Variants in GIGYF2 observed in about 807,000 individuals in gnomAD.
The protein encoded by GIGYF2 is GRB10 interacting GYF protein 2.
In GIGYF2, 25 loss-of-function variants were observed where a neutral mutation model predicts 208.1. That is an observed-to-expected ratio of 0.12 (90% confidence interval 0.09 to 0.17). The LOEUF is 0.17. Ranked by LOEUF, GIGYF2 falls within the 10% of genes least tolerant of loss-of-function variation. The pLI, the probability that GIGYF2 is intolerant of heterozygous loss-of-function variation, is 1.00. For synonymous variants in GIGYF2, 534 were observed against 543.8 expected (o/e 0.98, Z 0.25); for missense variants, 1,302 against 1,579.4 (o/e 0.82, Z 2.98).
chr2:232,768,693 G>A, intron 8 of GIGYF2: 1 of 1,606,150 alleles, frequency 6.2e-7, no homozygotes, highest in East Asian at 2.2e-5. Context: ...GCTAGGTCGG[G>A]TGTTGGCCAC....
In GIGYF2 at chr2:232,811,250, A is replaced by G. The variant is rs140822277; in HGVS notation, c.1905A>G (p.Gln635=). Residue 635 remains glutamine, a synonymous_variant, in exon 17 of 29, where the codon CAA becomes CAG. Coordinates refer to ENST00000373563, the MANE Select transcript of GIGYF2 (RefSeq NM_001103146.3). The part of the protein sequence containing the change: ...LQYQQFLIQQ[Q]YAQVLAQQQK... The stretch of plus-strand genomic sequence containing the variant: ...TTTTTTTTACTTTTTGAAGACAACA[A>G]TATGCACAGGTTTTGGCCCAACAGC... 68 of 1,589,708 alleles carry G rather than the reference A, an allele frequency of 4.3e-5. No individual in the cohort carries two copies. Among genetic ancestry groups the G allele is most frequent in the South Asian group, 3.6e-4 (33 of 90,604 alleles).
Position 232,753,683 on chromosome 2 carries a change from A to G in GIGYF2, c.268-2540A>G, listed in dbSNP as rs1698419821. 2.0e-5 allele frequency among the ~76,000 whole-genome samples: 3 copies of G among 152,236 alleles called. No homozygotes were observed. The South Asian group carries it at 6.2e-4, about 32-fold the overall frequency. On this transcript the variant is annotated intron_variant, in intron 5 of 28. Transcript: ENST00000373563. ...GCTTGCAGTCACCCGTGAGGTAGATAAAAATATCCCTGTCTACATTATATA... is the reference window on the plus strand; with the variant it reads ...GCTTGCAGTCACCCGTGAGGTAGATGAAAATATCCCTGTCTACATTATATA...
chr2:232,768,879 G>A, intron 8 of GIGYF2: 1 of 1,367,916 alleles, frequency 7.3e-7, no homozygotes, highest in Admixed American at 2.1e-5. Flanking sequence ...TTTTCTGAAT[G>A]ACAAGTGTAT....
At chr2:232,788,092 C>T (rs1374790601) in intron 9 of GIGYF2, 1 of 153,942 alleles carries the variant, frequency 6.5e-6, no homozygotes, top group East Asian at 1.9e-4. Context: ...TGTGGAATGC[C>T]CTATGAATTT....
chr2:232,799,758 G>A (rs1301943521), intron 14 of GIGYF2, among the ~76,000 whole-genome samples: 2 of 152,026 alleles, frequency 1.3e-5, no homozygotes, highest in Admixed American at 6.6e-5. Flanking sequence ...CTCAAAAACA[G>A]TCCACAAGGG....
At chr2:232,755,791 G>T (rs909622706) in intron 5 of GIGYF2, among the ~76,000 whole-genome samples, 1 of 152,082 alleles carries the variant, frequency 6.6e-6, no homozygotes, top group Non-Finnish European at 1.5e-5. Context: ...TCCTACTCTC[G>T]CATCAGACCT....
Position 232,845,903 on chromosome 2 carries a change from G to T in GIGYF2, c.3460+17G>T. On this transcript the variant is annotated intron_variant, in intron 26 of 28. Transcript: ENST00000373563. ...ACTTGGATGGTAAGAATTGGGGAGG[G>T]AAACCCGGCATGTGGAATGACAGAG... 6.6e-7 allele frequency: 1 copy of T among 1,526,636 alleles called. No homozygotes were observed. Among genetic ancestry groups the T allele is most frequent in the Non-Finnish European group, 9.1e-7 (1 of 1,101,186 alleles). 94.6% of individuals were successfully genotyped at this position (1,526,636 alleles called of 1,614,324 possible). A position where few individuals can be genotyped will look rare whatever the true frequency, so the allele number is the denominator to read the frequency against.
chr2:232,842,191 A>G (rs963927899), intron 23 of GIGYF2, among the ~76,000 whole-genome samples: 11 of 151,718 alleles, frequency 7.3e-5, no homozygotes, highest in African/African-American at 1.9e-4. Context: ...CAGTCCTTCT[A>G]TTGGGCTTCT....
chr2:232,750,729 CTCTG>C (rs1698305974), intron 5 of GIGYF2, among the ~76,000 whole-genome samples: 2 of 114,666 alleles, frequency 1.7e-5, no homozygotes, highest in African/African-American at 6.6e-5. Context: ...TTTATATGAG[CTCTG>C]TGTGTGTGTG....
At chr2:232,771,838 A>G (rs1305458544) in intron 8 of GIGYF2, among the ~76,000 whole-genome samples, 1 of 152,220 alleles carries the variant, frequency 6.6e-6, no homozygotes, top group Non-Finnish European at 1.5e-5. Flanking sequence ...GTAAATAATT[A>G]GAAGTCATTT....
intron 8 of GIGYF2, among the ~76,000 whole-genome samples, chr2:232,772,030 G>T (rs757983229): frequency 1.1e-4 from 17 of 152,114 alleles, no homozygotes; most frequent in Non-Finnish European, 2.4e-4. Context: ...TGTCTCCTAG[G>T]CTGGAGTGCA....
At position 232,796,075 on chromosome 2, in the gene GIGYF2, T is replaced by C. The variant is rs755009981; in HGVS notation, c.1493T>C (p.Met498Thr). 1 of 1,611,552 alleles carries C rather than the reference T, an allele frequency of 6.2e-7. No homozygotes were observed. Among genetic ancestry groups the C allele is most frequent in the Non-Finnish European group, 8.5e-7 (1 of 1,177,854 alleles). Residue 498 changes from methionine (M) to threonine (T), a missense_variant, in exon 14 of 29, where the codon ATG becomes ACG. Physicochemically the swap from Met to Thr is moderately conservative, Grantham distance 81. Transcript: ENST00000373563. ...LKHLEQQAEK[M>T]VAYLQDSALD... is the part of the protein sequence containing the mutation. ...TTCTGTTACTAGCAAGCTGAGAAAATGGTGGCTTATCTCCAAGACAGTGCA... is the reference window on the plus strand; with the variant it reads ...TTCTGTTACTAGCAAGCTGAGAAAACGGTGGCTTATCTCCAAGACAGTGCA...
At chr2:232,821,959 T>C (rs1304870799) in intron 21 of GIGYF2, among the ~76,000 whole-genome samples, 3 of 150,030 alleles carry the variant, frequency 2.0e-5, no homozygotes, top group Admixed American at 1.3e-4. Context: ...TTTTTTTTAC[T>C]GGACTCTTCC....
At chr2:232,750,563 T>C (rs376670769) in intron 5 of GIGYF2, among the ~76,000 whole-genome samples, 2 of 152,258 alleles carry the variant, frequency 1.3e-5, no homozygotes, top group East Asian at 3.9e-4. Context: ...TTTGGAAAAA[T>C]TTTTTCCCAT....
intron 8 of GIGYF2, among the ~76,000 whole-genome samples, chr2:232,772,346 A>C (rs1393617567): frequency 1.3e-5 from 2 of 152,176 alleles, no homozygotes. Flanking sequence ...TGGGGGGTAG[A>C]AAGAGAATTG....
intron 8 of GIGYF2, chr2:232,768,432 A>G: frequency 6.2e-7 from 1 of 1,614,212 alleles, no homozygotes; most frequent in South Asian, 1.1e-5. Flanking sequence ...CCTTTGGCAT[A>G]TTTCTCCAGT....
chr2:232,738,929 C>T (rs1175173566), intron 3 of GIGYF2, among the ~76,000 whole-genome samples: 2 of 152,110 alleles, frequency 1.3e-5, no homozygotes, highest in South Asian at 2.1e-4. Flanking sequence ...CACTAAGCAC[C>T]GTCTTGATAA....
chr2:232,790,688 C>T lies in GIGYF2; in HGVS notation c.713-10C>T, dbSNP rs762970939. 4 of 1,606,138 alleles carry T rather than the reference C, an allele frequency of 2.5e-6. No homozygotes were observed. The Admixed American group carries it at 5.0e-5, about 20-fold the overall frequency. On this transcript the variant is annotated splice_polypyrimidine_tract_variant and intron_variant, in intron 9 of 28. Coordinates refer to ENST00000373563, the MANE Select transcript of GIGYF2 (RefSeq NM_001103146.3). ...CTTTTCTAAGGTTTGTGTCCTCCTT[C>T]TCATCTCAGATGGCCCTCGTTCTGC...
chr2:232,717,408 A>G (rs1327853238), intron 2 of GIGYF2, among the ~76,000 whole-genome samples: 3 of 152,164 alleles, frequency 2.0e-5, no homozygotes, highest in Admixed American at 6.5e-5. Flanking sequence ...GTACATATAC[A>G]TGTATATGTA....
Sources: allele counts gnomAD v4.1 joint callset (sites outside exome capture counted in the v4.1 genomes callset), GRCh38; gene constraint gnomAD v4.1.1; transcripts MANE v1.5; gene names NCBI Gene and HGNC (gene_info 2026-07-23, HGNC 2026-07-21).